Variants in CLNK observed in about 807,000 individuals in gnomAD.
The protein encoded by CLNK is cytokine dependent hematopoietic cell linker.
A neutral mutation model predicts 68.6 loss-of-function variants in CLNK; 74 were observed. The observed-to-expected ratio is 1.08, with a 90% CI of 0.89 to 1.31. The LOEUF is 1.31. CLNK is among the 50% of genes most tolerant of loss of function. The pLI is 0.00. For synonymous variants in CLNK, 198 were observed against 172.2 expected (o/e 1.15, Z -1.17); for missense variants, 553 against 515.3 (o/e 1.07, Z -0.71).
At chr4:10,504,040 C>T (rs1238442630) in intron 17 of CLNK, among the ~76,000 whole-genome samples, 13 of 151,124 alleles carry the variant, frequency 8.6e-5, no homozygotes, top group African/African-American at 1.2e-4. Flanking sequence ...CTCAGCCGCC[C>T]GAAGTGCTGG....
intron 3 of CLNK, among the ~76,000 whole-genome samples, chr4:10,588,830 A>G (rs910535102): frequency 1.3e-5 from 2 of 151,922 alleles, no homozygotes; most frequent in Non-Finnish European, 2.9e-5. Context: ...TAGTCTATAT[A>G]TTATATGGTA....
intron 2 of CLNK, among the ~76,000 whole-genome samples, chr4:10,603,883 T>C (rs980339067): frequency 6.6e-6 from 1 of 152,162 alleles, no homozygotes; most frequent in Non-Finnish European, 1.5e-5. Context: ...TTCTGACTCT[T>C]TTATTTAGTG....
At chr4:10,673,061 G>T (rs1384453965) in intron 1 of CLNK, among the ~76,000 whole-genome samples, 1 of 152,112 alleles carries the variant, frequency 6.6e-6, no homozygotes, top group Non-Finnish European at 1.5e-5. Context: ...TTTGATCATG[G>T]AAAAGTTTTC....
chr4:10,622,040 T>C (rs1722478431), intron 2 of CLNK, among the ~76,000 whole-genome samples: 2 of 152,200 alleles, frequency 1.3e-5, no homozygotes, highest in African/African-American at 4.8e-5. Flanking sequence ...AAGCAAGTGG[T>C]TTGGGGAAAA....
chr4:10,547,611 T>C (rs1277176089), intron 8 of CLNK, among the ~76,000 whole-genome samples: 1 of 152,166 alleles, frequency 6.6e-6, no homozygotes. Flanking sequence ...GCACCATAAC[T>C]GAAACTTTGT....
intron 2 of CLNK, among the ~76,000 whole-genome samples, chr4:10,619,403 G>A (rs776973310): frequency 1.6e-4 from 25 of 152,134 alleles, no homozygotes; most frequent in Admixed American, 6.5e-4. Context: ...GACAGATGGC[G>A]CCTTTGGGAC....
chr4:10,517,750 C>T (rs1486536807), intron 15 of CLNK, among the ~76,000 whole-genome samples: 1 of 152,124 alleles, frequency 6.6e-6, no homozygotes, highest in Non-Finnish European at 1.5e-5. Flanking sequence ...ACCTTCAGTG[C>T]CTTGCTTGGA....
At chr4:10,627,350 G>A (rs1392311232) in intron 2 of CLNK, among the ~76,000 whole-genome samples, 1 of 152,156 alleles carries the variant, frequency 6.6e-6, no homozygotes, top group African/African-American at 2.4e-5. Context: ...AATGAGAATT[G>A]TCCCTCCCAA....
intron 1 of CLNK, among the ~76,000 whole-genome samples, chr4:10,682,055 G>A (rs962619897): frequency 3.3e-5 from 5 of 151,884 alleles, no homozygotes; most frequent in African/African-American, 1.2e-4. Flanking sequence ...CTGCCCATAA[G>A]AGTAACAAAA....
At chr4:10,604,369 A>C (rs1721708202) in intron 2 of CLNK, among the ~76,000 whole-genome samples, 1 of 152,160 alleles carries the variant, frequency 6.6e-6, no homozygotes, top group Non-Finnish European at 1.5e-5. Context: ...TTGATCCCTA[A>C]GCTGTAAGGG....
chr4:10,691,004 A>T, the CLNK span, among the ~76,000 whole-genome samples: 1 of 152,082 alleles, frequency 6.6e-6, no homozygotes, highest in Non-Finnish European at 1.5e-5. Context: ...AACTTTATAT[A>T]TGGAGGTCTA....
chr4:10,528,316 G>T (rs73809631), intron 12 of CLNK, among the ~76,000 whole-genome samples: 9,821 of 152,106 alleles, frequency 0.065, 593 homozygotes, highest in African/African-American at 0.15. Context: ...GTCCACAGTC[G>T]GCTGATGGGA....
At chr4:10,731,818 A>G in the CLNK span, among the ~76,000 whole-genome samples, 2 of 152,220 alleles carry the variant, frequency 1.3e-5, no homozygotes, top group Non-Finnish European at 2.9e-5. Flanking sequence ...CTTTGCAAGA[A>G]AGGAATTCAG....
At position 10,520,793 on chromosome 4, in the gene CLNK, C is replaced by G; in HGVS notation, c.770G>C (p.Arg257Thr). 1 of 1,605,232 alleles carries G rather than the reference C, an allele frequency of 6.2e-7. No homozygotes were observed. The highest frequency in any genetic ancestry group is 1.3e-5 in the African/African-American group (1 of 74,934). The change falls in exon 15 of 19, where the codon AGA becomes ACA. Residue 257 changes from arginine (R) to threonine (T), a missense_variant and splice_region_variant. Transcript: ENST00000226951. ...TATAATTCTGAAAGTGCTCTTACCT[C>G]TGTTTTGCACACTGTGGTTGCTTGT... The part of the protein sequence containing the change: ...FTTSNHSVQN[R>T]DHRGGMQPCS...
At chr4:10,665,804 T>C (rs1290812802) in intron 2 of CLNK, among the ~76,000 whole-genome samples, 1 of 151,080 alleles carries the variant, frequency 6.6e-6, no homozygotes, top group South Asian at 2.1e-4. Context: ...GGGGAGTGAG[T>C]GTGAAGATAA....
intron 16 of CLNK, among the ~76,000 whole-genome samples, chr4:10,511,077 C>T (rs1356811253): frequency 2.0e-5 from 3 of 151,886 alleles, no homozygotes; most frequent in Admixed American, 1.3e-4. Context: ...CACTTGAAGC[C>T]GGGAGGTGGG....
At position 10,567,703 on chromosome 4, in the gene CLNK, G is replaced by A. The variant is rs558928645; in HGVS notation, c.151-1553C>T. ...TAAGGAGCTTAAATCCAGAGTATAT[G>A]AAAAACTCTTACAATGCAATGATCT... On this transcript the variant is annotated intron_variant, in intron 5 of 18. Coordinates refer to ENST00000226951, the MANE Select transcript of CLNK (RefSeq NM_052964.4). Among the ~76,000 whole-genome samples the A allele has an allele frequency of 3.4e-3, 522 of 152,284 alleles. 4 individuals carry two copies. The highest frequency in any genetic ancestry group is 5.3e-3 in the Non-Finnish European group (358 of 68,024).
intron 17 of CLNK, among the ~76,000 whole-genome samples, chr4:10,506,897 T>C (rs1424004137): frequency 6.6e-6 from 1 of 151,812 alleles, no homozygotes; most frequent in Non-Finnish European, 1.5e-5. Flanking sequence ...CCTCCCGGGT[T>C]CACGCCATTC....
At chr4:10,687,214 A>AC (rs1338384973), upstream of CLNK, among the ~76,000 whole-genome samples, 2 of 152,004 alleles carry the variant, frequency 1.3e-5, no homozygotes, top group Non-Finnish European at 2.9e-5. Context: ...GAAAAAAAAA[A>AC]AAAACTTGTC....
Sources: gnomAD v4.1 joint callset for allele counts (sites outside exome capture counted in the v4.1 genomes callset) on GRCh38, gnomAD v4.1.1 for gene constraint, MANE v1.5 for transcripts, NCBI Gene and HGNC (gene_info 2026-07-23, HGNC 2026-07-21) for gene names.